The following TSC22D1 variants were observed in gnomAD, a reference collection of about 807,000 sequenced individuals.
TSC22D1 encodes TSC22 domain family protein 1.
TSC22D1 carries 9 observed loss-of-function variants against 74.2 expected under a neutral mutation model. That is an observed-to-expected ratio of 0.12 (90% CI 0.07 to 0.21). The LOEUF (loss-of-function observed/expected upper bound fraction) is 0.21, where lower values mean the gene tolerates loss of function less well. TSC22D1 is among the 10% of genes least tolerant of loss of function. TSC22D1 has a pLI of 1.00. For missense variants in TSC22D1, 1,427 were observed against 1,304.7 expected (o/e 1.09, Z -1.44); for synonymous variants, 586 against 492.5 (o/e 1.19, Z -2.51).
chr13:44,478,652 C>T (rs575159035), intron 1 of TSC22D1, among the ~76,000 whole-genome samples: 24 of 152,194 alleles, frequency 1.6e-4, no homozygotes, highest in African/African-American at 5.1e-4. Flanking sequence ...TAAATTTACA[C>T]CACATTCCAA....
At chr13:44,533,021 A>G (rs1880938998) in intron 1 of TSC22D1, among the ~76,000 whole-genome samples, 3 of 152,176 alleles carry the variant, frequency 2.0e-5, no homozygotes, top group African/African-American at 7.2e-5. Context: ...CAATTTGTTT[A>G]AAAGAGTGTG....
intron 1 of TSC22D1, among the ~76,000 whole-genome samples, chr13:44,562,784 G>A (rs1595170620): frequency 2.0e-5 from 3 of 152,164 alleles, no homozygotes; most frequent in South Asian, 4.1e-4. Flanking sequence ...CATCTGCTTT[G>A]AATTTCAGAT....
intron 1 of TSC22D1, among the ~76,000 whole-genome samples, chr13:44,467,337 T>C (rs1877347634): frequency 6.6e-6 from 1 of 152,182 alleles, no homozygotes; most frequent in Non-Finnish European, 1.5e-5. Context: ...ACACTAGCCT[T>C]AGCAAATAAT....
chr13:44,572,032 G>A (rs530259965), intron 1 of TSC22D1, among the ~76,000 whole-genome samples: 2 of 151,888 alleles, frequency 1.3e-5, no homozygotes, highest in East Asian at 1.9e-4. Context: ...GCTTAAATTC[G>A]CTTGATGAAA....
rs574954002 is a variant in TSC22D1, at chr13:44,492,395, G to T, written c.2913-56300C>A. On this transcript the variant is annotated intron_variant, in intron 1 of 2. Coordinates refer to ENST00000458659, the MANE Select transcript of TSC22D1 (RefSeq NM_183422.4). ...TTTTTACTGAATGTGTATCGCTTTTGCACCATTGTAAAGTTGGAAAATCTT... is the reference window on the plus strand; with the variant it reads ...TTTTTACTGAATGTGTATCGCTTTTTCACCATTGTAAAGTTGGAAAATCTT... Among the ~76,000 whole-genome samples, 7 of 152,234 alleles carry T rather than the reference G, an allele frequency of 4.6e-5. No individual in the cohort carries two copies. In the South Asian group the frequency reaches 1.5e-3, roughly 32 times the overall value.
intron 1 of TSC22D1, among the ~76,000 whole-genome samples, chr13:44,478,517 C>T (rs1878027668): frequency 1.3e-5 from 2 of 151,382 alleles, no homozygotes; most frequent in Non-Finnish European, 2.9e-5. Flanking sequence ...ATTGTCTCTA[C>T]AAAGAATAAA....
chr13:44,459,933 G>A (rs963397946), intron 1 of TSC22D1, among the ~76,000 whole-genome samples: 4 of 152,156 alleles, frequency 2.6e-5, no homozygotes, highest in African/African-American at 9.7e-5. Context: ...GCAGGCATGG[G>A]ATCCAGGACA....
In TSC22D1 at chr13:44,512,939, C is replaced by T. The variant is rs371874879; in HGVS notation, c.2912+60224G>A. Among the ~76,000 whole-genome samples the T allele has an allele frequency of 7.9e-5, 12 of 152,338 alleles. 1 individual carries two copies. Among genetic ancestry groups the T allele is most frequent in the South Asian group, 4.1e-4 (2 of 4,832 alleles). ...CTGGGATTACAGGCGTGAGCCACTG[C>T]GCCTGGCCTCTTCATTCTTATCTCT... On this transcript the variant is annotated intron_variant, in intron 1 of 2. Transcript: ENST00000458659.
intron 1 of TSC22D1, among the ~76,000 whole-genome samples, chr13:44,479,671 C>T (rs1368683711): frequency 6.6e-6 from 1 of 152,142 alleles, no homozygotes; most frequent in Non-Finnish European, 1.5e-5. Context: ...CCTAATAAGA[C>T]AAAAAGTAAG....
At chr13:44,437,598 C>A (rs1412646417) in intron 1 of TSC22D1, among the ~76,000 whole-genome samples, 2 of 152,196 alleles carry the variant, frequency 1.3e-5, no homozygotes, top group African/African-American at 4.8e-5. Flanking sequence ...CTATTAGCAT[C>A]TTCTCCCTAG....
intron 1 of TSC22D1, among the ~76,000 whole-genome samples, chr13:44,510,877 G>A (rs777363593): frequency 9.9e-5 from 15 of 152,078 alleles, no homozygotes; most frequent in Admixed American, 2.6e-4. Flanking sequence ...TTACAGGCAC[G>A]AGCCATCATG....
chr13:44,527,627 T>G (rs1383268054), intron 1 of TSC22D1, among the ~76,000 whole-genome samples: 1 of 151,974 alleles, frequency 6.6e-6, no homozygotes, highest in Non-Finnish European at 1.5e-5. Context: ...ATAAATTTTT[T>G]AAAAAAGAAC....
intron 1 of TSC22D1, among the ~76,000 whole-genome samples, chr13:44,556,036 T>C (rs1031047249): frequency 3.9e-5 from 6 of 151,980 alleles, no homozygotes; most frequent in Admixed American, 1.3e-4. Flanking sequence ...AAGTAAAAAT[T>C]ATGGAACACA....
At chr13:44,524,581 T>C (rs1048238946) in intron 1 of TSC22D1, among the ~76,000 whole-genome samples, 11 of 152,144 alleles carry the variant, frequency 7.2e-5, no homozygotes, top group African/African-American at 1.9e-4. Context: ...AGTTTCACTC[T>C]TGTCACCCAG....
chr13:44,526,151 G>T (rs957227025), intron 1 of TSC22D1, among the ~76,000 whole-genome samples: 10 of 152,010 alleles, frequency 6.6e-5, no homozygotes, highest in African/African-American at 2.2e-4. Flanking sequence ...ATGCTAAAAG[G>T]TTAGGAAAAA....
chr13:44,535,555 A>G (rs1345779726), intron 1 of TSC22D1, among the ~76,000 whole-genome samples: 1 of 152,064 alleles, frequency 6.6e-6, no homozygotes, highest in African/African-American at 2.4e-5. Flanking sequence ...CATATTTACA[A>G]TAACCTATAA....
At chr13:44,507,802 C>T (rs547797676) in intron 1 of TSC22D1, among the ~76,000 whole-genome samples, 19 of 152,294 alleles carry the variant, frequency 1.2e-4, no homozygotes, top group African/African-American at 3.9e-4. Context: ...TTCATTCTCC[C>T]GAATCTTTGG....
intron 1 of TSC22D1, among the ~76,000 whole-genome samples, chr13:44,531,395 T>G (rs1221070683): frequency 6.6e-6 from 1 of 152,220 alleles, no homozygotes; most frequent in Non-Finnish European, 1.5e-5. Flanking sequence ...CAGATCTGCC[T>G]TGGAATGCCA....
At position 44,574,212 on chromosome 13, in the gene TSC22D1, T is replaced by A; in HGVS notation, c.1863A>T (p.Ala621=). The A allele has an allele frequency of 6.2e-7, 1 of 1,614,216 alleles. No homozygotes were observed. Among genetic ancestry groups the A allele is most frequent in the Non-Finnish European group, 8.5e-7 (1 of 1,180,034 alleles). ...APPVQTPLPG[A]PPPQQLQYGQ... is the part of the protein sequence containing the mutation. ...CATACTGTAACTGTTGGGGTGGTGG[T>A]GCCCCTGGAAGGGGAGTTTGCACTG... is the stretch of plus-strand genomic sequence containing the variant. The change falls in exon 1 of 3, where the codon GCA becomes GCT. Residue 621 remains alanine, a synonymous_variant. Transcript: ENST00000458659.
Sources: allele counts gnomAD v4.1 joint callset (sites outside exome capture counted in the v4.1 genomes callset), GRCh38; gene constraint gnomAD v4.1.1; transcripts MANE v1.5; gene names NCBI Gene and HGNC (gene_info 2026-07-23, HGNC 2026-07-21).